PUS1: variants seen among roughly 807,000 people sequenced by gnomAD.
PUS1 encodes pseudouridine synthase 1.
Under a neutral mutation model 38.5 loss-of-function variants are expected in PUS1, and 25 were observed. That is an observed-to-expected ratio of 0.65 (90% CI 0.47 to 0.91). The LOEUF (loss-of-function observed/expected upper bound fraction) is 0.91. Ranked by LOEUF, PUS1 falls within the 40% of genes least tolerant of loss-of-function variation. The probability of loss-of-function intolerance (pLI) is 0.00; values close to 1 mark genes in which losing one functional copy is unlikely to be tolerated. For missense variants in PUS1, 597 were observed against 612.3 expected (o/e 0.97, Z 0.26); for synonymous variants, 282 against 260.4 (o/e 1.08, Z -0.80).
In PUS1 at chr12:131,930,051, C is replaced by T; in HGVS notation, c.219C>T (p.Gly73=). The change falls in exon 2 of 6, where the codon GGC becomes GGT. Residue 73 remains glycine, a synonymous_variant. Transcript: ENST00000376649. ...CGGCGAAGAAGCTCAAGAGCGGTGG[C>T]GACGAGGAGCGGCGCGAGAAGCCGC... is the stretch of plus-strand genomic sequence containing the variant. ...EHPAKKLKSG[G]DEERREKPPK... 1.2e-5 allele frequency: 18 copies of T among 1,445,352 alleles called. No individual in the cohort carries two copies. Among genetic ancestry groups the T allele is most frequent in the Non-Finnish European group, 1.6e-5 (18 of 1,099,968 alleles). The allele number at this position is 1,445,352 out of a possible 1,614,324, so 89.5% of individuals were successfully genotyped here.
intron 3 of PUS1, among the ~76,000 whole-genome samples, chr12:131,935,290 C>G (rs946673266): frequency 1.3e-5 from 2 of 152,238 alleles, no homozygotes; most frequent in African/African-American, 4.8e-5. Flanking sequence ...ATTTACAGCT[C>G]TCTGGTTGTT....
chr12:131,942,542 G>T (rs1229015550), intron 5 of PUS1, among the ~76,000 whole-genome samples: 2 of 152,110 alleles, frequency 1.3e-5, no homozygotes, highest in Non-Finnish European at 2.9e-5. Context: ...GAGTAGCTGG[G>T]ACTACAGGCG....
chr12:131,943,589 C>T lies in PUS1; in HGVS notation c.*3C>T, dbSNP rs367767706. The T allele has an allele frequency of 6.8e-5, 110 of 1,612,594 alleles. No individual in the cohort carries two copies. Among genetic ancestry groups the T allele is most frequent in the South Asian group, 2.1e-4 (19 of 91,052 alleles). ...AAGGGGACGGAGACACTGACTGAGGCGATGGGAGCTGCCCACCAGAGTGCC... is the reference window on the plus strand; with the variant it reads ...AAGGGGACGGAGACACTGACTGAGGTGATGGGAGCTGCCCACCAGAGTGCC... On this transcript the variant is annotated 3_prime_UTR_variant, in exon 6 of 6. Coordinates refer to ENST00000376649, the MANE Select transcript of PUS1 (RefSeq NM_025215.6).
intron 5 of PUS1, among the ~76,000 whole-genome samples, chr12:131,942,608 A>T (rs141940441): frequency 4.2e-4 from 64 of 152,148 alleles, no homozygotes; most frequent in African/African-American, 1.3e-3. Flanking sequence ...GGGTTTCACC[A>T]TGTTAGCCAG....
rs191299863 is a variant in PUS1 at position 131,941,504 on chromosome 12, G to A, written c.757G>A (p.Gly253Arg). Residue 253 changes from glycine (G) to arginine (R), a missense_variant, in exon 5 of 6, where the codon GGG becomes AGG. By Grantham distance (125) the Gly-to-Arg change is moderately radical. Coordinates refer to ENST00000376649, the MANE Select transcript of PUS1 (RefSeq NM_025215.6). The surrounding 1 kb of genome is among the most constrained non-coding windows in gnomAD (Gnocchi z 4.4). ...HNFHNFTSQK[G>R]PQDPSACRYI... is the part of the protein sequence containing the mutation. ...CTTCCACAATTTCACCTCGCAGAAG[G>A]GGCCGCAGGATCCCAGTGCCTGCCG... The A allele has an allele frequency of 3.1e-6, 5 of 1,614,070 alleles. No homozygotes were observed. The highest frequency in any genetic ancestry group is 1.7e-5 in the Admixed American group (1 of 60,026).
Position 131,932,300 on chromosome 12 carries a change from C to G in PUS1, c.429C>G (p.Ala143=). ...GGAAAATGTCCTTCCAGCGCTGCGC[C>G]CGGACAGACAAGGTGGGTGGTGGCC... The part of the protein sequence containing the change: ...DMRKMSFQRC[A]RTDKGVSAAG... Residue 143 remains alanine, a synonymous_variant, in exon 3 of 6, where the codon GCC becomes GCG. Coordinates refer to ENST00000376649, the MANE Select transcript of PUS1 (RefSeq NM_025215.6). 1 of 1,613,556 alleles carries G rather than the reference C, an allele frequency of 6.2e-7. No homozygotes were observed. The highest frequency in any genetic ancestry group is 1.1e-5 in the South Asian group (1 of 91,040).
chr12:131,938,904 G>A (rs950880544), intron 3 of PUS1, among the ~76,000 whole-genome samples: 2 of 151,934 alleles, frequency 1.3e-5, no homozygotes, highest in African/African-American at 2.4e-5. Flanking sequence ...TGTATTTTTA[G>A]TAGAGACTAA....
chr12:131,937,740 C>T (rs986560685), intron 3 of PUS1, among the ~76,000 whole-genome samples: 2 of 152,022 alleles, frequency 1.3e-5, no homozygotes, highest in African/African-American at 2.4e-5. Flanking sequence ...GAGACAGAGT[C>T]TTGCTCTGTT....
chr12:131,940,011 C>T (rs1239096684), intron 4 of PUS1, among the ~76,000 whole-genome samples: 1 of 152,000 alleles, frequency 6.6e-6, no homozygotes, highest in Admixed American at 6.6e-5. Context: ...GAAAACAGAA[C>T]TGTTGTCTGC....
At chr12:131,934,396 C>T (rs1566142885) in intron 3 of PUS1, among the ~76,000 whole-genome samples, 2 of 152,178 alleles carry the variant, frequency 1.3e-5, no homozygotes, top group African/African-American at 2.4e-5. Context: ...AGCCTTCAAG[C>T]GACCCTTATC....
At chr12:131,930,292 GCTC>G (rs1240660925) in intron 2 of PUS1, among the ~76,000 whole-genome samples, 157 bp downstream of exon 2, 1 of 152,184 alleles carries the variant, frequency 6.6e-6, no homozygotes, top group Non-Finnish European at 1.5e-5. Context: ...AGCTTTCACT[GCTC>G]CTGCTGCACG....
Position 131,941,512 on chromosome 12 carries a change from G to C in PUS1, c.765G>C (p.Gln255His). 7 of 1,614,168 alleles carry C rather than the reference G, an allele frequency of 4.3e-6. No individual in the cohort carries two copies. Among genetic ancestry groups the C allele is most frequent in the Non-Finnish European group, 5.9e-6 (7 of 1,179,986 alleles). Residue 255 changes from glutamine (Q) to histidine (H), a missense_variant, in exon 5 of 6, where the codon CAG becomes CAC. Transcript: ENST00000376649. The surrounding 1 kb of genome is among the most constrained non-coding windows in gnomAD (Gnocchi z 4.4). ...ATTTCACCTCGCAGAAGGGGCCGCAGGATCCCAGTGCCTGCCGCTACATCC... is the reference window on the plus strand; with the variant it reads ...ATTTCACCTCGCAGAAGGGGCCGCACGATCCCAGTGCCTGCCGCTACATCC... ...FHNFTSQKGPQDPSACRYILE... is the reference protein window; with the variant it reads ...FHNFTSQKGPHDPSACRYILE...
chr12:131,935,682 C>A (rs1286229094), intron 3 of PUS1, among the ~76,000 whole-genome samples: 1 of 151,930 alleles, frequency 6.6e-6, no homozygotes, highest in Non-Finnish European at 1.5e-5. Flanking sequence ...TACAGGCATG[C>A]GTCACCACGC....
chr12:131,932,344 C>G lies in PUS1; in HGVS notation c.441+32C>G, dbSNP rs762730617. 1.9e-6 allele frequency: 3 copies of G among 1,611,528 alleles called. No homozygotes were observed. The African/African-American group carries it at 4.0e-5, about 22-fold the overall frequency. On this transcript the variant is annotated intron_variant, in intron 3 of 5. Coordinates refer to ENST00000376649, the MANE Select transcript of PUS1 (RefSeq NM_025215.6). ...GGTGGCCTTCTCTGCCCCTCCCCCGCTGCTATGAGCAGCACGTGGCCCACT... is the reference window on the plus strand; with the variant it reads ...GGTGGCCTTCTCTGCCCCTCCCCCGGTGCTATGAGCAGCACGTGGCCCACT...
At chr12:131,938,703 C>T (rs1296739316) in intron 3 of PUS1, among the ~76,000 whole-genome samples, 1 of 142,114 alleles carries the variant, frequency 7.0e-6, no homozygotes, top group Non-Finnish European at 1.5e-5. Context: ...CTTTGGGAGT[C>T]ATATTTTCAT....
rs1249256290 is a variant in PUS1, at chr12:131,944,240, G to C, written c.*654G>C. On this transcript the variant is annotated 3_prime_UTR_variant, in exon 6 of 6. Transcript: ENST00000376649. ...CAACAACCAAAAAAACTGGCCAGGC[G>C]TGGTGGCTCATGCCTGTAATCCCAA... The C allele has an allele frequency of 6.5e-6, 1 of 153,468 alleles. No individual in the cohort carries two copies. Among genetic ancestry groups the C allele is most frequent in the African/African-American group, 2.4e-5 (1 of 41,294 alleles). The allele number at this position is 153,468 out of a possible 1,614,324, so 9.5% of individuals were successfully genotyped here.
chr12:131,933,463 C>T (rs1890698374), intron 3 of PUS1, among the ~76,000 whole-genome samples: 1 of 152,254 alleles, frequency 6.6e-6, no homozygotes, highest in Admixed American at 6.5e-5. Context: ...GCTAAGTCCA[C>T]ACTCATCACA....
intron 3 of PUS1, chr12:131,932,854 T>C (rs1402868232): frequency 2.2e-6 from 1 of 452,688 alleles, no homozygotes; most frequent in East Asian, 7.0e-5. Context: ...TAGTCTGTTG[T>C]CACACTGTTA....
At position 131,941,206 on chromosome 12, in the gene PUS1, T is replaced by C. The variant is rs1891046214; in HGVS notation, c.545-86T>C. 2.5e-6 allele frequency: 3 copies of C among 1,210,558 alleles called. No individual in the cohort carries two copies. The East Asian group carries it at 7.4e-5, about 30-fold the overall frequency. 75.0% of individuals were successfully genotyped at this position (1,210,558 alleles called of 1,614,324 possible). A position where few individuals can be genotyped will look rare whatever the true frequency, so the allele number is the denominator to read the frequency against. Reference sequence around the variant, plus strand: ...GTCGGTGCTCTGGGTAAGGAGACGCTGGGGCTCACGCCGTGCTCAGGCTGC... The same window carrying C: ...GTCGGTGCTCTGGGTAAGGAGACGCCGGGGCTCACGCCGTGCTCAGGCTGC... On this transcript the variant is annotated intron_variant, in intron 4 of 5. Transcript: ENST00000376649. The surrounding 1 kb of genome is among the most constrained non-coding windows in gnomAD (Gnocchi z 4.4).
Sources: allele counts gnomAD v4.1 joint callset (sites outside exome capture counted in the v4.1 genomes callset), GRCh38; gene constraint gnomAD v4.1.1; non-coding constraint Gnocchi (gnomAD v3.1); transcripts MANE v1.5; gene names NCBI Gene and HGNC (gene_info 2026-07-23, HGNC 2026-07-21).